The following CTNNA3 variants were observed in gnomAD, a reference collection of about 807,000 sequenced individuals.
The protein encoded by CTNNA3 is catenin alpha 3.
A neutral mutation model predicts 95.7 loss-of-function variants in CTNNA3; 76 were observed. The ratio of observed to expected loss-of-function variants is 0.79; its 90% CI spans 0.66 to 0.96. The LOEUF (loss-of-function observed/expected upper bound fraction) is 0.96, where lower values mean the gene tolerates loss of function less well. Among genes scored for constraint, CTNNA3 ranks in the 40% least tolerant of loss-of-function variants. The pLI, the probability that CTNNA3 is intolerant of heterozygous loss-of-function variation, is 0.00. For synonymous variants in CTNNA3, 431 were observed against 374.4 expected, an observed-to-expected ratio of 1.15 and a Z score of -1.74; for missense variants, 1,191 against 1,089.8, an observed-to-expected ratio of 1.09 and a Z score of -1.31.
At chr10:67,039,357 T>A (rs77646741) in intron 7 of CTNNA3, among the ~76,000 whole-genome samples, 1 of 152,182 alleles carries the variant, frequency 6.6e-6, no homozygotes, top group Admixed American at 6.6e-5. Context: ...AAGTTTTTTC[T>A]GGAGACAAAC....
chr10:65,964,848 T>G (rs1293260592), intron 17 of CTNNA3, among the ~76,000 whole-genome samples: 2 of 152,136 alleles, frequency 1.3e-5, no homozygotes, highest in African/African-American at 4.8e-5. Flanking sequence ...TATACAGTAG[T>G]TAAAAATATG....
chr10:66,823,154 A>T (rs1238147507), intron 7 of CTNNA3, among the ~76,000 whole-genome samples: 1 of 152,190 alleles, frequency 6.6e-6, no homozygotes, highest in Non-Finnish European at 1.5e-5. Flanking sequence ...TGGAAAATCC[A>T]TATATTAACA....
At chr10:66,640,787 T>A (rs780229983) in intron 9 of CTNNA3, among the ~76,000 whole-genome samples, 5 of 152,254 alleles carry the variant, frequency 3.3e-5, no homozygotes, top group South Asian at 4.1e-4. Context: ...TTCCTTTGAC[T>A]TTTTCCCCTT....
At chr10:66,274,986 TG>T (rs1480265805) in intron 13 of CTNNA3, among the ~76,000 whole-genome samples, 2 of 152,226 alleles carry the variant, frequency 1.3e-5, no homozygotes, top group Non-Finnish European at 1.5e-5. Context: ...TTTATAATTT[TG>T]GATGCTGTGA....
At chr10:66,459,444 T>C (rs1589280305) in intron 11 of CTNNA3, among the ~76,000 whole-genome samples, 2 of 152,302 alleles carry the variant, frequency 1.3e-5, no homozygotes, top group East Asian at 1.9e-4. Flanking sequence ...CAGATAGTAA[T>C]CTATGATGCT....
chr10:67,433,124 A>C (rs1846170469), intron 5 of CTNNA3, among the ~76,000 whole-genome samples: 1 of 152,052 alleles, frequency 6.6e-6, no homozygotes, highest in South Asian at 2.1e-4. Flanking sequence ...TTTTACTTAA[A>C]GTGAGAGACA....
At chr10:67,292,105 G>A (rs1226984932) in intron 5 of CTNNA3, among the ~76,000 whole-genome samples, 1 of 152,142 alleles carries the variant, frequency 6.6e-6, no homozygotes. Context: ...CCGGGTATGG[G>A]GCAGGACTCT....
intron 13 of CTNNA3, among the ~76,000 whole-genome samples, chr10:66,161,114 T>C (rs2084819056): frequency 6.6e-6 from 1 of 152,184 alleles, no homozygotes; most frequent in African/African-American, 2.4e-5. Context: ...AGATGGCTGG[T>C]GAGTCCTCAT....
At chr10:66,100,476 A>G (rs926689975) in intron 14 of CTNNA3, among the ~76,000 whole-genome samples, 12 of 152,196 alleles carry the variant, frequency 7.9e-5, no homozygotes, top group Admixed American at 5.9e-4. Context: ...TAATGTTGCC[A>G]CCAGTAGATT....
In CTNNA3 at chr10:67,433,062, C is replaced by T. The variant is rs529653313; in HGVS notation, c.579+88780G>A. Among the ~76,000 whole-genome samples, 14 of 152,216 alleles carry T rather than the reference C, an allele frequency of 9.2e-5. No homozygotes were observed. The East Asian group carries it at 2.1e-3, about 23-fold the overall frequency. On this transcript the variant is annotated intron_variant, in intron 5 of 17. Transcript: ENST00000433211. ...TTGGCACAAGAGGCCCAGCTTTCAG[C>T]CTGTCTTAGATTTTGACATACCTTC... is the stretch of plus-strand genomic sequence containing the variant.
intron 5 of CTNNA3, among the ~76,000 whole-genome samples, chr10:67,404,381 A>G (rs1245453329): frequency 1.3e-5 from 2 of 152,020 alleles, no homozygotes. Context: ...GATAGAGCTG[A>G]AAAAAACACA....
chr10:67,402,158 A>G (rs1423695054), intron 5 of CTNNA3, among the ~76,000 whole-genome samples: 3 of 152,238 alleles, frequency 2.0e-5, no homozygotes, highest in Non-Finnish European at 4.4e-5. Context: ...TGAGATCAAG[A>G]AGAAAGTTGA....
chr10:66,719,643 A>C (rs1482411324), intron 9 of CTNNA3, among the ~76,000 whole-genome samples: 1 of 152,106 alleles, frequency 6.6e-6, no homozygotes, highest in Admixed American at 6.6e-5. Context: ...ATCATCTCAG[A>C]ATATACCTGC....
intron 7 of CTNNA3, among the ~76,000 whole-genome samples, chr10:67,126,181 T>C (rs1165084185): frequency 6.6e-6 from 1 of 152,194 alleles, no homozygotes; most frequent in Admixed American, 6.5e-5. Flanking sequence ...GTAAGGAATC[T>C]CTGACATAGC....
At chr10:67,707,614 A>G (rs914041762) in intron 1 of CTNNA3, among the ~76,000 whole-genome samples, 1 of 151,974 alleles carries the variant, frequency 6.6e-6, no homozygotes, top group Admixed American at 6.6e-5. Flanking sequence ...TTCTGTCTTC[A>G]CCATTGGGAT....
chr10:66,479,321 T>C (rs1306076209), intron 11 of CTNNA3, among the ~76,000 whole-genome samples: 1 of 152,000 alleles, frequency 6.6e-6, no homozygotes. Context: ...TGCTGGCTGG[T>C]AGGGCAAATA....
chr10:66,547,347 C>CTTTTTTTT (rs1296263060), intron 10 of CTNNA3, among the ~76,000 whole-genome samples: 2 of 109,284 alleles, frequency 1.8e-5, no homozygotes, highest in African/African-American at 7.0e-5. Context: ...TTCTTTCTTT[C>CTTTTTTTT]TTTTTTTTTT....
At chr10:67,562,537 G>C (rs1262665970) in intron 3 of CTNNA3, among the ~76,000 whole-genome samples, 1 of 152,158 alleles carries the variant, frequency 6.6e-6, no homozygotes, top group East Asian at 1.9e-4. Context: ...ATATCATACT[G>C]AATGGGCAAA....
chr10:66,100,993 T>C (rs1277487370), intron 14 of CTNNA3, among the ~76,000 whole-genome samples: 1 of 152,190 alleles, frequency 6.6e-6, no homozygotes, highest in African/African-American at 2.4e-5. Context: ...TCCAGCATTC[T>C]AAAAAGAGCC....
Sources: gnomAD v4.1 joint callset for allele counts (sites outside exome capture counted in the v4.1 genomes callset) on GRCh38, gnomAD v4.1.1 for gene constraint, MANE v1.5 for transcripts, NCBI Gene and HGNC (gene_info 2026-07-23, HGNC 2026-07-21) for gene names.